SRPK2: variants seen among roughly 807,000 people sequenced by gnomAD.
SRPK2 encodes the protein SRSF protein kinase 2.
SRPK2 carries 21 observed loss-of-function variants against 90.8 expected under a neutral mutation model. The observed-to-expected ratio is 0.23, with a 90% confidence interval of 0.16 to 0.33. The LOEUF (loss-of-function observed/expected upper bound fraction) is 0.33. Among genes scored for constraint, SRPK2 ranks in the 10% least tolerant of loss-of-function variants. The pLI is 1.00. For synonymous variants in SRPK2, 288 were observed against 311.1 expected, an observed-to-expected ratio of 0.93 and a Z score of 0.78; for missense variants, 620 against 869.0, an observed-to-expected ratio of 0.71 and a Z score of 3.60.
intron 10 of SRPK2, 144 bp from the exon 11 acceptor site, chr7:105,142,634 C>A: frequency 8.6e-7 from 1 of 1,158,820 alleles, no homozygotes; most frequent in Non-Finnish European, 1.2e-6. Flanking sequence ...GGGGTAAAAC[C>A]TTCAGGTTTT....
At chr7:105,230,483 T>C (rs1414882266) in intron 2 of SRPK2, among the ~76,000 whole-genome samples, 1 of 152,140 alleles carries the variant, frequency 6.6e-6, no homozygotes, top group East Asian at 1.9e-4. Context: ...ATCCATGTGC[T>C]TTAGAAAGAT....
chr7:105,327,623 G>C (rs936102641), intron 2 of SRPK2, among the ~76,000 whole-genome samples: 1 of 152,168 alleles, frequency 6.6e-6, no homozygotes, highest in Non-Finnish European at 1.5e-5. Context: ...CAGATAACAA[G>C]ATAACAAGAT....
intron 1 of SRPK2, among the ~76,000 whole-genome samples, chr7:105,394,898 C>G (rs984757421): frequency 3.3e-5 from 5 of 152,130 alleles, no homozygotes; most frequent in African/African-American, 1.2e-4. Flanking sequence ...CAGCCGGGCG[C>G]GGTGGCTTAC....
intron 6 of SRPK2, among the ~76,000 whole-genome samples, chr7:105,165,919 C>T (rs1287055649): frequency 1.3e-5 from 2 of 152,098 alleles, no homozygotes; most frequent in East Asian, 1.9e-4. Context: ...CTGAAGTCAG[C>T]GAGACCACGA....
chr7:105,340,926 T>C (rs1815698726), intron 2 of SRPK2, among the ~76,000 whole-genome samples: 3 of 152,330 alleles, frequency 2.0e-5, no homozygotes, highest in African/African-American at 7.2e-5. Flanking sequence ...TTTTTAGATA[T>C]TGTATAATGA....
At chr7:105,331,103 A>G (rs1585740024) in intron 2 of SRPK2, among the ~76,000 whole-genome samples, 1 of 152,038 alleles carries the variant, frequency 6.6e-6, no homozygotes, top group Admixed American at 6.6e-5. Context: ...GGAGTTTGAC[A>G]ACAGCCTGAC....
At chr7:105,259,101 CTGTT>C (rs1050960233) in intron 2 of SRPK2, among the ~76,000 whole-genome samples, 10 of 152,196 alleles carry the variant, frequency 6.6e-5, no homozygotes, top group Non-Finnish European at 1.3e-4. Context: ...CAAATTGTCT[CTGTT>C]TGCAGATGAC....
At chr7:105,326,064 G>C (rs1317970604) in intron 2 of SRPK2, among the ~76,000 whole-genome samples, 3 of 152,178 alleles carry the variant, frequency 2.0e-5, no homozygotes, top group Non-Finnish European at 2.9e-5. Flanking sequence ...CATCATCCTG[G>C]AAAACAAGGT....
At chr7:105,164,560 A>G (rs143144327) in intron 6 of SRPK2, among the ~76,000 whole-genome samples, 2 of 152,330 alleles carry the variant, frequency 1.3e-5, no homozygotes, top group East Asian at 3.9e-4. Flanking sequence ...TTTGGGGAGC[A>G]ACTAAATGGC....
At chr7:105,248,495 T>C (rs184631040) in intron 2 of SRPK2, among the ~76,000 whole-genome samples, 32 of 149,598 alleles carry the variant, frequency 2.1e-4, no homozygotes, top group Admixed American at 1.5e-3. Context: ...TCTCAGCTAC[T>C]TGGGAGGCTG....
chr7:105,130,188 T>C (rs1304781344), intron 13 of SRPK2, among the ~76,000 whole-genome samples: 1 of 152,192 alleles, frequency 6.6e-6, no homozygotes, highest in African/African-American at 2.4e-5. Context: ...TCCCTGACAA[T>C]AGCCAATGGC....
intron 2 of SRPK2, among the ~76,000 whole-genome samples, chr7:105,287,868 C>G (rs1808379387): frequency 6.6e-6 from 1 of 152,156 alleles, no homozygotes; most frequent in Non-Finnish European, 1.5e-5. Flanking sequence ...ATTTGTGTAA[C>G]TAAAATGTAT....
At chr7:105,349,662 AG>A (rs1816921090) in intron 2 of SRPK2, among the ~76,000 whole-genome samples, 1 of 152,214 alleles carries the variant, frequency 6.6e-6, no homozygotes, top group Non-Finnish European at 1.5e-5. Flanking sequence ...GGACTGGCTA[AG>A]CCCAAAAAAC....
At chr7:105,215,450 TA>T (rs905143907) in intron 2 of SRPK2, among the ~76,000 whole-genome samples, 3 of 152,204 alleles carry the variant, frequency 2.0e-5, no homozygotes, top group Non-Finnish European at 4.4e-5. Flanking sequence ...TCTCAGAAAG[TA>T]AAAAAGAGTT....
At chr7:105,309,193 ACTT>A (rs1482386888) in intron 2 of SRPK2, among the ~76,000 whole-genome samples, 3 of 152,176 alleles carry the variant, frequency 2.0e-5, no homozygotes, top group Non-Finnish European at 4.4e-5. Flanking sequence ...GGAATTAAAA[ACTT>A]CTTCAGGCAA....
chr7:105,395,757 G>T (rs1822304979), intron 1 of SRPK2, among the ~76,000 whole-genome samples: 1 of 151,840 alleles, frequency 6.6e-6, no homozygotes, highest in Non-Finnish European at 1.5e-5. Context: ...AGAACTTAAA[G>T]CTATCTTGCC....
intron 2 of SRPK2, among the ~76,000 whole-genome samples, chr7:105,212,664 C>CA (rs757107994): frequency 3.9e-5 from 6 of 152,090 alleles, no homozygotes; most frequent in Admixed American, 6.5e-5. Flanking sequence ...TAGCTTTCTG[C>CA]AAAAAACATA....
At chr7:105,202,498 G>C (rs1217666080) in intron 3 of SRPK2, among the ~76,000 whole-genome samples, 1 of 152,198 alleles carries the variant, frequency 6.6e-6, no homozygotes, top group East Asian at 1.9e-4. Context: ...AAGTGACAAA[G>C]AAGCAGCTGA....
At chr7:105,352,369 C>A (rs1442289350) in intron 2 of SRPK2, among the ~76,000 whole-genome samples, 2 of 152,160 alleles carry the variant, frequency 1.3e-5, no homozygotes, top group African/African-American at 2.4e-5. Context: ...ATGAAGCCAG[C>A]TGACATGTTG....
Sources: allele counts gnomAD v4.1 joint callset (sites outside exome capture counted in the v4.1 genomes callset), GRCh38; gene constraint gnomAD v4.1.1; transcripts MANE v1.5; gene names NCBI Gene and HGNC (gene_info 2026-07-23, HGNC 2026-07-21).